The following PLD1 variants were observed in gnomAD, a reference collection of about 807,000 sequenced individuals.
PLD1 encodes choline phosphatase 1.
In PLD1, 112 loss-of-function variants were observed where a neutral mutation model predicts 137.1. The ratio of observed to expected loss-of-function variants is 0.82; its 90% confidence interval spans 0.70 to 0.96. The LOEUF is 0.96. Among genes scored for constraint, PLD1 ranks in the 40% least tolerant of loss-of-function variants. PLD1 has a pLI of 0.00. For missense variants in PLD1, 1,321 were observed against 1,342.0 expected, an observed-to-expected ratio of 0.98 and a Z score of 0.24; for synonymous variants, 431 against 454.7, an observed-to-expected ratio of 0.95 and a Z score of 0.66.
intron 11 of PLD1, among the ~76,000 whole-genome samples, chr3:171,705,135 T>C: frequency 1.3e-5 from 2 of 152,268 alleles, no homozygotes; most frequent in East Asian, 1.9e-4. Flanking sequence ...GACCCTGTCA[T>C]AGCGGAAAGA....
At chr3:171,753,152 C>T (rs1720778851) in intron 1 of PLD1, among the ~76,000 whole-genome samples, 1 of 152,200 alleles carries the variant, frequency 6.6e-6, no homozygotes, top group Admixed American at 6.5e-5. Flanking sequence ...TGAGCTGCAG[C>T]CAGACTCTGC....
intron 21 of PLD1, among the ~76,000 whole-genome samples, chr3:171,646,334 A>T (rs1436034597): frequency 6.6e-6 from 1 of 152,132 alleles, no homozygotes; most frequent in African/African-American, 2.4e-5. Flanking sequence ...TCTTCTAAAC[A>T]ACTAAATTTT....
rs771002250 is a variant in PLD1, at chr3:171,639,846, C to CTA, written c.2593+2993_2593+2994insTA. ...TCTCTCTCTCTCTCTCTCTCTCTCT[C>CTA]TCTATATATATATATATATCTCCTA... On this transcript the variant is annotated intron_variant, in intron 23 of 26. Transcript: ENST00000351298. Among the ~76,000 whole-genome samples, 343 of 103,814 alleles carry CTA rather than the reference C, an allele frequency of 3.3e-3. 3 individuals carry two copies. Among genetic ancestry groups the CTA allele is most frequent in the African/African-American group, 0.011 (265 of 24,438 alleles). The allele number at this position is 103,814 out of a possible 152,430, so 68.1% of individuals were successfully genotyped here.
At chr3:171,659,475 G>A (rs1271984187) in intron 20 of PLD1, among the ~76,000 whole-genome samples, 174 bp from the exon 21 acceptor site, 1 of 152,064 alleles carries the variant, frequency 6.6e-6, no homozygotes, top group Non-Finnish European at 1.5e-5. Context: ...TCTCACTCAG[G>A]GTCTCATCTG....
Position 171,602,289 on chromosome 3 carries a change from T to C in PLD1, c.*789A>G, listed in dbSNP as rs1324201229. The C allele has an allele frequency of 6.6e-6, 1 of 152,226 alleles. No individual in the cohort carries two copies. The highest frequency in any genetic ancestry group is 2.4e-5 in the African/African-American group (1 of 41,458). 9.4% of individuals were successfully genotyped at this position (152,226 alleles called of 1,614,324 possible). ...TCAGTTTTAGCTGGTTGTTACGTAA[T>C]CAAATATCCCATGCATGTTTTTACA... is the stretch of plus-strand genomic sequence containing the variant. On this transcript the variant is annotated 3_prime_UTR_variant, in exon 27 of 27. Coordinates refer to ENST00000351298, the MANE Select transcript of PLD1 (RefSeq NM_002662.5).
At chr3:171,800,453 C>T (rs1723600029) in intron 1 of PLD1, among the ~76,000 whole-genome samples, 1 of 152,194 alleles carries the variant, frequency 6.6e-6, no homozygotes, top group Non-Finnish European at 1.5e-5. Flanking sequence ...AAGTGATCCA[C>T]CCACCTTGGC....
chr3:171,628,899 A>G (rs1475488113), intron 23 of PLD1, among the ~76,000 whole-genome samples: 1 of 151,454 alleles, frequency 6.6e-6, no homozygotes, highest in Non-Finnish European at 1.5e-5. Flanking sequence ...ACCCACAGCC[A>G]ATATCATACT....
At chr3:171,771,803 T>C (rs940209012) in intron 1 of PLD1, among the ~76,000 whole-genome samples, 2 of 152,248 alleles carry the variant, frequency 1.3e-5, no homozygotes, top group Non-Finnish European at 2.9e-5. Context: ...TCAGATAACA[T>C]TGAATAAGCT....
At chr3:171,755,949 A>T (rs929127286) in intron 1 of PLD1, among the ~76,000 whole-genome samples, 1 of 152,210 alleles carries the variant, frequency 6.6e-6, no homozygotes, top group Non-Finnish European at 1.5e-5. Context: ...CTTGAAGAAA[A>T]TTGGAAACAT....
intron 21 of PLD1, among the ~76,000 whole-genome samples, chr3:171,658,921 G>A (rs895629335): frequency 6.6e-6 from 1 of 151,970 alleles, no homozygotes; most frequent in East Asian, 1.9e-4. Flanking sequence ...TTTTTTAAGC[G>A]AACACAGCTC....
chr3:171,634,142 C>G lies in PLD1; in HGVS notation c.2593+8698G>C, dbSNP rs374267690. 7.2e-5 allele frequency among the ~76,000 whole-genome samples: 11 copies of G among 152,202 alleles called. No individual in the cohort carries two copies. In the South Asian group the frequency reaches 8.3e-4, roughly 11 times the overall value. ...CTCTGTCTAGCATATGAACATTTTC[C>G]CCACTGAGATGCCTTATTTTGACTG... On this transcript the variant is annotated intron_variant, in intron 23 of 26. Coordinates refer to ENST00000351298, the MANE Select transcript of PLD1 (RefSeq NM_002662.5).
At chr3:171,769,138 A>C (rs1289133313) in intron 1 of PLD1, among the ~76,000 whole-genome samples, 2 of 152,056 alleles carry the variant, frequency 1.3e-5, no homozygotes, top group Non-Finnish European at 2.9e-5. Flanking sequence ...AAAACCCTAA[A>C]ATCTGGTTTT....
At chr3:171,766,253 T>C (rs1232401925) in intron 1 of PLD1, among the ~76,000 whole-genome samples, 2 of 152,326 alleles carry the variant, frequency 1.3e-5, no homozygotes, top group East Asian at 3.8e-4. Context: ...ATTTCTACTA[T>C]TATATGTTGG....
Position 171,687,380 on chromosome 3 carries a change from T to C in PLD1, c.1744A>G (p.Ser582Gly). ...CAAGGCCATGACTTACTGGAGGTGC[T>C]GTCAATGCTGCTGATGCTATCTGCG... The part of the protein sequence containing the change: ...HDADSISSID[S>G]TSSYFNHYRS... Residue 582 changes from serine (S) to glycine (G), a missense_variant, in exon 15 of 27, where the codon AGC becomes GGC. Coordinates refer to ENST00000351298, the MANE Select transcript of PLD1 (RefSeq NM_002662.5). 3 of 1,613,904 alleles carry C rather than the reference T, an allele frequency of 1.9e-6. No homozygotes were observed. The highest frequency in any genetic ancestry group is 2.5e-6 in the Non-Finnish European group (3 of 1,179,756).
intron 12 of PLD1, among the ~76,000 whole-genome samples, chr3:171,694,453 G>C (rs535899147): frequency 8.6e-5 from 13 of 151,888 alleles, no homozygotes; most frequent in Admixed American, 6.6e-4. Flanking sequence ...CACTGATGAA[G>C]GGCTCTAAAG....
At chr3:171,671,576 A>G (rs757548814) in intron 19 of PLD1, among the ~76,000 whole-genome samples, 3 of 152,178 alleles carry the variant, frequency 2.0e-5, no homozygotes, top group Non-Finnish European at 2.9e-5. Context: ...CTCTAGTCTA[A>G]TAAGTTCTTC....
intron 7 of PLD1, among the ~76,000 whole-genome samples, chr3:171,725,327 C>T (rs1718423835): frequency 6.6e-6 from 1 of 152,200 alleles, no homozygotes; most frequent in Non-Finnish European, 1.5e-5. Context: ...TGGTGCATCT[C>T]ACCCACAGAT....
At chr3:171,720,581 TC>T (rs1718058864) in intron 8 of PLD1, among the ~76,000 whole-genome samples, 1 of 138,938 alleles carries the variant, frequency 7.2e-6, no homozygotes, top group African/African-American at 3.0e-5. Flanking sequence ...AGACTCCGTC[TC>T]AAAAAAAAAA....
At chr3:171,678,507 A>G (rs1217535742) in intron 16 of PLD1, among the ~76,000 whole-genome samples, 3 of 152,232 alleles carry the variant, frequency 2.0e-5, no homozygotes, top group Non-Finnish European at 4.4e-5. Flanking sequence ...ACAATGAAGT[A>G]AAAAGATGCA....
Sources: gnomAD v4.1 joint callset for allele counts (sites outside exome capture counted in the v4.1 genomes callset) on GRCh38, gnomAD v4.1.1 for gene constraint, MANE v1.5 for transcripts, NCBI Gene and HGNC (gene_info 2026-07-23, HGNC 2026-07-21) for gene names.